Variants in PHACTR3 observed in about 807,000 individuals in gnomAD.
PHACTR3 encodes protein phosphatase 1, regulatory subunit 123.
PHACTR3 carries 16 observed loss-of-function variants against 66.8 expected under a neutral mutation model. The observed-to-expected ratio is 0.24, with a 90% CI of 0.16 to 0.36. PHACTR3 has a LOEUF of 0.36. Ranked by LOEUF, PHACTR3 falls within the 10% of genes least tolerant of loss-of-function variation. The probability of loss-of-function intolerance (pLI) is 1.00; values close to 1 mark genes in which losing one functional copy is unlikely to be tolerated. For synonymous variants in PHACTR3, 323 were observed against 292.1 expected, an observed-to-expected ratio of 1.11 and a Z score of -1.08; for missense variants, 647 against 719.9, an observed-to-expected ratio of 0.90 and a Z score of 1.16.
In PHACTR3 at chr20:59,847,158, T is replaced by C; in HGVS notation, c.*28T>C. On this transcript the variant is annotated 3_prime_UTR_variant, in exon 13 of 13. Transcript: ENST00000371015. ...ATTTTCTTCTGAGAAGAATTTGTGT[T>C]TAATTTTTTGATACCAACACTGAAC... 1 of 1,501,640 alleles carries C rather than the reference T, an allele frequency of 6.7e-7. No individual in the cohort carries two copies. Among genetic ancestry groups the C allele is most frequent in the Non-Finnish European group, 9.2e-7 (1 of 1,084,582 alleles). 93.0% of individuals were successfully genotyped at this position (1,501,640 alleles called of 1,614,324 possible). A position where few individuals can be genotyped will look rare whatever the true frequency, so the allele number is the denominator to read the frequency against.
rs1335703943 is a variant in PHACTR3, at chr20:59,605,119, CG to C, written c.109del (p.Glu37ArgfsTer26). 2 of 880,564 alleles carry C rather than the reference CG, an allele frequency of 2.3e-6. No individual in the cohort carries two copies. The highest frequency in any genetic ancestry group is 1.5e-6 in the Non-Finnish European group (1 of 667,674). The allele number at this position is 880,564 out of a possible 1,614,324, so 54.5% of individuals were successfully genotyped here. A position where few individuals can be genotyped will look rare whatever the true frequency, so the allele number is the denominator to read the frequency against. ...DSSATSSADA[G>X]ENPDEMDQTP... is the part of the protein sequence containing the mutation. ...CCTCGGCCACCTCCTCCGCGGACGC[CG>C]GGGAGAACCCAGGTAACGGGCTGGG... On this transcript the variant is annotated frameshift_variant, in exon 1 of 13. Transcript: ENST00000371015. LOFTEE classifies it high-confidence loss of function.
chr20:59,719,016 G>A (rs1007483426), intron 1 of PHACTR3, among the ~76,000 whole-genome samples: 5 of 152,234 alleles, frequency 3.3e-5, no homozygotes, highest in Non-Finnish European at 7.3e-5. Context: ...ATGTGTGAAA[G>A]TGTACAGTTG....
chr20:59,706,324 G>A (rs1296445702), intron 1 of PHACTR3, among the ~76,000 whole-genome samples: 1 of 152,218 alleles, frequency 6.6e-6, no homozygotes, highest in Non-Finnish European at 1.5e-5. Context: ...CTAGGACGCT[G>A]CATAAACAAA....
intron 4 of PHACTR3, among the ~76,000 whole-genome samples, chr20:59,755,852 A>G: frequency 6.6e-6 from 1 of 152,166 alleles, no homozygotes; most frequent in East Asian, 1.9e-4. Flanking sequence ...GTCGGTGCTG[A>G]TGCAGTCTCA....
intron 3 of PHACTR3, among the ~76,000 whole-genome samples, chr20:59,752,685 T>A (rs2039640956): frequency 6.9e-6 from 1 of 145,662 alleles, no homozygotes; most frequent in South Asian, 2.1e-4. Context: ...TCTGACCTTT[T>A]TATAGTGGCA....
At chr20:59,836,421 G>A (rs746027453) in intron 8 of PHACTR3, 84 bp from the exon 9 acceptor site, 2 of 1,362,140 alleles carry the variant, frequency 1.5e-6, no homozygotes, top group South Asian at 1.3e-5. Flanking sequence ...GGGTTTGCCA[G>A]CCACCTCTCA....
At chr20:59,710,372 G>T (rs766179892) in intron 1 of PHACTR3, among the ~76,000 whole-genome samples, 1 of 152,126 alleles carries the variant, frequency 6.6e-6, no homozygotes, top group Non-Finnish European at 1.5e-5. Context: ...GGTCCTCATT[G>T]GACTGTGACT....
chr20:59,737,577 C>CGT lies in PHACTR3; in HGVS notation c.119-5522_119-5521dup, dbSNP rs747837391. Among the ~76,000 whole-genome samples, 3 of 151,778 alleles carry CGT rather than the reference C, an allele frequency of 2.0e-5. No individual in the cohort carries two copies. The East Asian group carries it at 5.8e-4, about 29-fold the overall frequency. On this transcript the variant is annotated intron_variant, in intron 1 of 12. Transcript: ENST00000371015. ...GTGTCTCTGTGTGCATGTGTGTGTG[C>CGT]GTGTGTGTGCATGCACACCAGCTGA...
At position 59,609,049 on chromosome 20, in the gene PHACTR3, G is replaced by A. The variant is rs551010184; in HGVS notation, c.118+3917G>A. ...CGCTGGTGTCTCAACCTATGTGGCGGTGCCTGGCCAGGCAACTGGCCACTC... is the reference window on the plus strand; with the variant it reads ...CGCTGGTGTCTCAACCTATGTGGCGATGCCTGGCCAGGCAACTGGCCACTC... On this transcript the variant is annotated intron_variant, in intron 1 of 12. Coordinates refer to ENST00000371015, the MANE Select transcript of PHACTR3 (RefSeq NM_080672.5). Among the ~76,000 whole-genome samples, 36 of 152,346 alleles carry A rather than the reference G, an allele frequency of 2.4e-4. No homozygotes were observed. In the South Asian group the frequency reaches 6.8e-3, roughly 29 times the overall value.
At position 59,581,550 on chromosome 20, in the gene PHACTR3, G is replaced by A. The variant is rs934450952; in HGVS notation, c.109+3933G>A. ...TGCTGATGACTAAGTTGATCGCTCCGTTTTTGTTTGAAGGGAAAGGAGTGA... is the reference window on the plus strand; with the variant it reads ...TGCTGATGACTAAGTTGATCGCTCCATTTTTGTTTGAAGGGAAAGGAGTGA... On this transcript the variant is annotated intron_variant, in intron 1 of 12. Coordinates refer to the PHACTR3 transcript ENST00000359926. Among the ~76,000 whole-genome samples the A allele has an allele frequency of 4.6e-5, 7 of 152,136 alleles. No individual in the cohort carries two copies. In the East Asian group the frequency reaches 1.2e-3, roughly 25 times the overall value.
Position 59,622,981 on chromosome 20 carries a change from C to CAAAAAAAAAAAAAAAAAAAAAAACA in PHACTR3, c.118+17869_118+17870insAAACAAAAAAAAAAAAAAAAAAAAA, listed in dbSNP as rs71183177. Among the ~76,000 whole-genome samples the CAAAAAAAAAAAAAAAAAAAAAAACA allele has an allele frequency of 6.2e-5, 2 of 32,216 alleles. 1 individual carries two copies. The highest frequency in any genetic ancestry group is 1.1e-4 in the Non-Finnish European group (2 of 18,182). 21.1% of individuals were successfully genotyped at this position (32,216 alleles called of 152,430 possible). On this transcript the variant is annotated intron_variant, in intron 1 of 12. Coordinates refer to ENST00000371015, the MANE Select transcript of PHACTR3 (RefSeq NM_080672.5). The stretch of plus-strand genomic sequence containing the variant: ...ATTCTAATTTTACAGCAGCTTTAAC[C>CAAAAAAAAAAAAAAAAAAAAAAACA]AAAAAAAAAAAAAAAAAAAACCCAA...
chr20:59,706,135 A>G (rs538235856), intron 1 of PHACTR3, among the ~76,000 whole-genome samples: 2 of 152,216 alleles, frequency 1.3e-5, no homozygotes, highest in Non-Finnish European at 1.5e-5. Flanking sequence ...AAACAGTGAC[A>G]TTAAGACCCC....
intron 1 of PHACTR3, among the ~76,000 whole-genome samples, chr20:59,665,055 T>C (rs1300140506): frequency 6.6e-6 from 1 of 152,364 alleles, no homozygotes; most frequent in African/African-American, 2.4e-5. Context: ...AATCAAATAA[T>C]TTATTCCAAG....
intron 3 of PHACTR3, among the ~76,000 whole-genome samples, chr20:59,748,968 T>C (rs1182474): frequency 0.63 from 96,133 of 152,034 alleles, 30,671 homozygotes; most frequent in Non-Finnish European, 0.66. Context: ...CATTGTTTCC[T>C]CTCTTTAGAC....
chr20:59,739,486 G>T (rs1250746238), intron 1 of PHACTR3, among the ~76,000 whole-genome samples: 1 of 152,142 alleles, frequency 6.6e-6, no homozygotes, highest in Non-Finnish European at 1.5e-5. Context: ...TACAATCATG[G>T]CAGAAGGTGA....
chr20:59,790,284 G>A (rs2041049588), intron 7 of PHACTR3, among the ~76,000 whole-genome samples: 1 of 152,030 alleles, frequency 6.6e-6, no homozygotes, highest in South Asian at 2.1e-4. Flanking sequence ...CCACCACATT[G>A]GCATCCTTTT....
intron 3 of PHACTR3, among the ~76,000 whole-genome samples, chr20:59,750,855 C>T (rs990669915): frequency 2.0e-5 from 3 of 152,212 alleles, no homozygotes; most frequent in East Asian, 1.9e-4. Context: ...GCTGTAATAA[C>T]GGGATCCACG....
chr20:59,670,605 T>TTGGGGGGGGGGGG (rs34824435), intron 1 of PHACTR3, among the ~76,000 whole-genome samples: 1 of 47,126 alleles, frequency 2.1e-5, no homozygotes. Context: ...CTGCCGGGGG[T>TTGGGGGGGGGGGG]GGGGGGGGGG....
intron 4 of PHACTR3, among the ~76,000 whole-genome samples, chr20:59,763,830 C>T (rs962135301): frequency 1.5e-4 from 23 of 152,012 alleles, no homozygotes; most frequent in African/African-American, 4.1e-4. Context: ...GAGTATGTGT[C>T]GGGAAGCCAG....
Sources: gnomAD v4.1 joint callset for allele counts (sites outside exome capture counted in the v4.1 genomes callset) on GRCh38, gnomAD v4.1.1 for gene constraint, MANE v1.5 for transcripts, NCBI Gene and HGNC (gene_info 2026-07-23, HGNC 2026-07-21) for gene names.